Variants in CROCC2 observed in about 807,000 individuals in gnomAD.
The protein encoded by CROCC2 is ciliary rootlet coiled-coil protein 2.
Under a neutral mutation model 177.6 loss-of-function variants are expected in CROCC2, and 163 were observed. The ratio of observed to expected loss-of-function variants is 0.92; its 90% CI spans 0.81 to 1.05. The LOEUF (loss-of-function observed/expected upper bound fraction) is 1.05. Ranked by LOEUF, CROCC2 falls within the 50% of genes least tolerant of loss-of-function variation. The pLI is 0.00. For missense variants in CROCC2, 1,929 were observed against 1,797.8 expected, an observed-to-expected ratio of 1.07 and a Z score of -1.32; for synonymous variants, 904 against 787.3, an observed-to-expected ratio of 1.15 and a Z score of -2.48.
chr2:240,974,477 G>A (rs1313807981), intron 27 of CROCC2, among the ~76,000 whole-genome samples: 2 of 149,256 alleles, frequency 1.3e-5, no homozygotes, highest in East Asian at 3.9e-4. Context: ...GAGTAGCTGG[G>A]ACTACAGGCA....
chr2:240,943,698 TCGAACTCC>T (rs1233451621), intron 14 of CROCC2, among the ~76,000 whole-genome samples: 1 of 152,112 alleles, frequency 6.6e-6, no homozygotes, highest in Non-Finnish European at 1.5e-5. Context: ...CAGGTTGGTC[TCGAACTCC>T]CGAGCTCAGG....
Position 240,930,265 on chromosome 2 carries a change from G to A in CROCC2, c.745G>A (p.Glu249Lys). The A allele has an allele frequency of 1.8e-6, 1 of 541,690 alleles. No individual in the cohort carries two copies. Among genetic ancestry groups the A allele is most frequent in the Non-Finnish European group, 3.4e-6 (1 of 295,356 alleles). 33.6% of individuals were successfully genotyped at this position (541,690 alleles called of 1,614,324 possible). Residue 249 changes from glutamate (E) to lysine (K), a missense_variant, in exon 6 of 32, where the codon GAG becomes AAG. By Grantham distance (56) the Glu-to-Lys change is moderately conservative (BLOSUM62 1). Around this residue, in one of 3 missense-constraint regions of CROCC2, gnomAD observed 1,397 missense variants for 1,239.9 expected, o/e 1.13. Coordinates refer to ENST00000690015, the MANE Select transcript of CROCC2 (RefSeq NM_001351305.2). Reference protein sequence around the residue: ...TDLAELRVATERGLADLQADT... With the variant: ...TDLAELRVATKRGLADLQADT... ...CCTGGCCGAGCTGCGTGTAGCCACTGAGAGGTGAGTGCCAGCCGCCCCACC... is the reference window on the plus strand; with the variant it reads ...CCTGGCCGAGCTGCGTGTAGCCACTAAGAGGTGAGTGCCAGCCGCCCCACC...
At position 240,918,157 on chromosome 2, in the gene CROCC2, G is replaced by A. The variant is rs1257736206; in HGVS notation, c.79-569G>A. ...ACCTGGGTCCCGATGGACCGAGCCTGTGGAGGGGCAGTGGGCAGCTGAGCA... is the reference window on the plus strand; with the variant it reads ...ACCTGGGTCCCGATGGACCGAGCCTATGGAGGGGCAGTGGGCAGCTGAGCA... On this transcript the variant is annotated intron_variant, in intron 1 of 31. Coordinates refer to ENST00000690015, the MANE Select transcript of CROCC2 (RefSeq NM_001351305.2). The surrounding 1 kb of genome is among the most constrained non-coding windows in gnomAD (Gnocchi z 6.3). Among the ~76,000 whole-genome samples the A allele has an allele frequency of 6.6e-6, 1 of 152,238 alleles. No homozygotes were observed. Among genetic ancestry groups the A allele is most frequent in the Admixed American group, 6.5e-5 (1 of 15,292 alleles).
At chr2:240,915,951 C>T (rs1559588199) in intron 1 of CROCC2, among the ~76,000 whole-genome samples, 1 of 152,192 alleles carries the variant, frequency 6.6e-6, no homozygotes, top group Admixed American at 6.5e-5. Flanking sequence ...AGAATACAAG[C>T]CTCCAGCGGA....
In CROCC2 at chr2:240,960,240, G is replaced by A. The variant is rs1323320668; in HGVS notation, c.3087+796G>A. ...CTCTGCCCACACAGCAGGAGGCGCG[G>A]ACTTCACTGGGCTGGACACTAAGGT... On this transcript the variant is annotated intron_variant, in intron 20 of 31. Transcript: ENST00000690015. The surrounding 1 kb of genome is among the most constrained non-coding windows in gnomAD (Gnocchi z 5.0). Among the ~76,000 whole-genome samples, 1 of 152,256 alleles carries A rather than the reference G, an allele frequency of 6.6e-6. No homozygotes were observed. Among genetic ancestry groups the A allele is most frequent in the Non-Finnish European group, 1.5e-5 (1 of 68,046 alleles).
At chr2:240,986,176 A>T in intron 28 of CROCC2, 1 of 327,562 alleles carries the variant, frequency 3.1e-6, no homozygotes, top group South Asian at 2.3e-5. Flanking sequence ...GTGGTGCATC[A>T]CATGGGCACA....
chr2:240,990,245 A>G (rs1192866777), intron 30 of CROCC2, among the ~76,000 whole-genome samples: 2 of 152,222 alleles, frequency 1.3e-5, no homozygotes, highest in Non-Finnish European at 2.9e-5. Context: ...AGGGAAAACA[A>G]TGGCACACGT....
chr2:240,910,862 G>T (rs2059282664), intron 1 of CROCC2, among the ~76,000 whole-genome samples: 1 of 152,118 alleles, frequency 6.6e-6, no homozygotes, highest in Admixed American at 6.5e-5. Context: ...CGGGTGCAGT[G>T]ACTCACACCT....
Position 240,990,759 on chromosome 2 carries a change from T to C in CROCC2, c.4864-437T>C, listed in dbSNP as rs566654168. 9.2e-5 allele frequency among the ~76,000 whole-genome samples: 14 copies of C among 152,128 alleles called. No individual in the cohort carries two copies. The South Asian group carries it at 1.5e-3, about 16-fold the overall frequency. On this transcript the variant is annotated intron_variant, in intron 30 of 31. Coordinates refer to ENST00000690015, the MANE Select transcript of CROCC2 (RefSeq NM_001351305.2). The stretch of plus-strand genomic sequence containing the variant: ...CACCATGCCTGGCTAATTTTTTGTA[T>C]TGTTAGTAGAGACGGGGTTTCACCA...
At chr2:240,976,245 TG>T (rs1323514236) in intron 27 of CROCC2, among the ~76,000 whole-genome samples, 6 of 107,642 alleles carry the variant, frequency 5.6e-5, no homozygotes, top group Middle Eastern at 0.011. Flanking sequence ...GCTCAGTCTC[TG>T]GGGTAGGAGC....
At chr2:240,948,814 G>A (rs1182883667) in intron 15 of CROCC2, among the ~76,000 whole-genome samples, 165 bp from the exon 16 acceptor site, 4 of 152,184 alleles carry the variant, frequency 2.6e-5, no homozygotes, top group South Asian at 2.1e-4. Flanking sequence ...CCTCATCCTT[G>A]TTAACAGCAC....
chr2:240,949,576 G>A lies in CROCC2; in HGVS notation c.2526G>A (p.Met842Ile). The A allele has an allele frequency of 6.4e-7, 1 of 1,550,642 alleles. No individual in the cohort carries two copies. The highest frequency in any genetic ancestry group is 8.7e-7 in the Non-Finnish European group (1 of 1,146,974). ...AAAGTGACTGGGAGGTCCAGGAAAT[G>A]AAGCTGCGGCAGGACACGGTGCGGC... ...QLQSDWEVQE[M>I]KLRQDTVRLQ... Residue 842 changes from methionine (M) to isoleucine (I), a missense_variant, in exon 17 of 32, where the codon ATG becomes ATA. By Grantham distance (10) the Met-to-Ile change is conservative. This residue lies in a region of CROCC2 where 1,397 missense variants were observed against 1,239.9 expected (regional missense o/e 1.13). Coordinates refer to ENST00000690015, the MANE Select transcript of CROCC2 (RefSeq NM_001351305.2). The surrounding 1 kb of genome is among the most constrained non-coding windows in gnomAD (Gnocchi z 4.5).
rs1392478944 is a variant in CROCC2, at chr2:240,934,336, G to A, written c.1652G>A (p.Gly551Asp). Reference sequence around the variant, plus strand: ...CCTCTGGTCTGGGGCCTCAGTCAAGGCCGCCTGCAGCAGCTGGAGGAGAAG... The same window carrying A: ...CCTCTGGTCTGGGGCCTCAGTCAAGACCGCCTGCAGCAGCTGGAGGAGAAG... Reference protein sequence around the residue: ...RSCRALETSQGRLQQLEEKVS... With the variant: ...RSCRALETSQDRLQQLEEKVS... The change falls in exon 12 of 32, where the codon GGC becomes GAC. Residue 551 changes from glycine (G) to aspartate (D), a missense_variant. Gly to Asp is a moderately conservative substitution (Grantham distance 94, BLOSUM62 -1). Coordinates refer to ENST00000690015, the MANE Select transcript of CROCC2 (RefSeq NM_001351305.2). 3 of 1,548,426 alleles carry A rather than the reference G, an allele frequency of 1.9e-6. No homozygotes were observed. In the South Asian group the frequency reaches 3.6e-5, roughly 18 times the overall value.
intron 28 of CROCC2, among the ~76,000 whole-genome samples, chr2:240,987,402 T>C (rs1281904986): frequency 6.6e-6 from 1 of 152,224 alleles, no homozygotes; most frequent in Non-Finnish European, 1.5e-5. Flanking sequence ...TTTTCTCTTC[T>C]CTTTATAACA....
rs962136888 is a variant in CROCC2 at position 240,930,282 on chromosome 2, C to T, written c.749+13C>T. Reference sequence around the variant, plus strand: ...TAGCCACTGAGAGGTGAGTGCCAGCCGCCCCACCTGGGGCCAGGCACCAGG... The same window carrying T: ...TAGCCACTGAGAGGTGAGTGCCAGCTGCCCCACCTGGGGCCAGGCACCAGG... On this transcript the variant is annotated intron_variant, in intron 6 of 31. Transcript: ENST00000690015. 4 of 503,444 alleles carry T rather than the reference C, an allele frequency of 7.9e-6. No individual in the cohort carries two copies. Among genetic ancestry groups the T allele is most frequent in the Non-Finnish European group, 1.5e-5 (4 of 274,758 alleles). The allele number at this position is 503,444 out of a possible 1,614,324, so 31.2% of individuals were successfully genotyped here.
chr2:240,976,022 C>A (rs1422388463), intron 27 of CROCC2, among the ~76,000 whole-genome samples: 1 of 152,208 alleles, frequency 6.6e-6, no homozygotes, highest in Admixed American at 6.5e-5. Context: ...TGAGCCACAG[C>A]GCCCAGCCCA....
chr2:240,963,424 G>C, intron 20 of CROCC2, 132 bp from the exon 21 acceptor site: 1 of 954,436 alleles, frequency 1.0e-6, no homozygotes, highest in Non-Finnish European at 1.5e-6. Context: ...CATGGGGTGA[G>C]CAAAGCGCAT....
Position 240,949,388 on chromosome 2 carries a change from G to A in CROCC2, c.2483-145G>A. The A allele has an allele frequency of 9.0e-7, 1 of 1,115,822 alleles. No individual in the cohort carries two copies. The highest frequency in any genetic ancestry group is 2.6e-5 in the East Asian group (1 of 38,354). 69.1% of individuals were successfully genotyped at this position (1,115,822 alleles called of 1,614,324 possible). A position where few individuals can be genotyped will look rare whatever the true frequency, so the allele number is the denominator to read the frequency against. ...AGCCCTGTACCCTTGACCCTGCTCA[G>A]CCCACCCTGCCATGTGCTGGCCACC... On this transcript the variant is annotated intron_variant, in intron 16 of 31. Transcript: ENST00000690015. This position sits in a 1 kb window ranked among gnomAD's most constrained non-coding sequence, Gnocchi z 4.5.
At chr2:240,959,874 G>A (rs368996113) in intron 20 of CROCC2, 20 of 158,842 alleles carry the variant, frequency 1.3e-4, no homozygotes, top group Middle Eastern at 3.1e-3. Context: ...GTCCCGACGC[G>A]GCTCCTGCTG....
Sources: allele counts gnomAD v4.1 joint callset (sites outside exome capture counted in the v4.1 genomes callset), GRCh38; gene constraint gnomAD v4.1.1; regional missense constraint gnomAD v4.1.1; non-coding constraint Gnocchi (gnomAD v3.1); transcripts MANE v1.5; gene names NCBI Gene and HGNC (gene_info 2026-07-23, HGNC 2026-07-21).